Variants in CORO2B observed in about 807,000 individuals in gnomAD.
CORO2B encodes coronin-2B.
A neutral mutation model predicts 58.8 loss-of-function variants in CORO2B; 26 were observed. The observed-to-expected ratio is 0.44, with a 90% CI of 0.32 to 0.61. The LOEUF (loss-of-function observed/expected upper bound fraction) is 0.61. Among genes scored for constraint, CORO2B ranks in the 20% least tolerant of loss-of-function variants. CORO2B has a pLI of 0.04. For missense variants in CORO2B, 460 were observed against 645.1 expected (o/e 0.71, Z 3.11); for synonymous variants, 242 against 253.8 (o/e 0.95, Z 0.44).
the CORO2B span, among the ~76,000 whole-genome samples, chr15:68,560,704 C>T: frequency 2.0e-5 from 3 of 152,216 alleles, no homozygotes; most frequent in Non-Finnish European, 4.4e-5. Flanking sequence ...CTCTCTGCTC[C>T]TTGCTGGTCA....
chr15:68,647,127 A>G (rs1356063165), intron 2 of CORO2B, among the ~76,000 whole-genome samples: 1 of 152,228 alleles, frequency 6.6e-6, no homozygotes, highest in Non-Finnish European at 1.5e-5. Flanking sequence ...ATTTAAAATA[A>G]GAAAAGCTAC....
chr15:68,668,923 A>G (rs1242490260), intron 2 of CORO2B, among the ~76,000 whole-genome samples: 1 of 152,126 alleles, frequency 6.6e-6, no homozygotes, highest in East Asian at 1.9e-4. Context: ...TACTAAAAAT[A>G]CAAAATTAGC....
At chr15:68,544,428 C>T in the CORO2B span, among the ~76,000 whole-genome samples, 1 of 152,168 alleles carries the variant, frequency 6.6e-6, no homozygotes, top group Non-Finnish European at 1.5e-5. Flanking sequence ...CATCCATGCC[C>T]TCAAACAGCC....
At chr15:68,623,618 C>T (rs921935446) in intron 1 of CORO2B, among the ~76,000 whole-genome samples, 1 of 152,162 alleles carries the variant, frequency 6.6e-6, no homozygotes, top group African/African-American at 2.4e-5. Context: ...TGGGAGAAGC[C>T]AAGGGCAGCT....
At chr15:68,525,461 A>G in the CORO2B span, among the ~76,000 whole-genome samples, 1 of 152,204 alleles carries the variant, frequency 6.6e-6, no homozygotes, top group African/African-American at 2.4e-5. Flanking sequence ...GGACTCAAGA[A>G]GGCTTTGTAA....
chr15:68,595,947 C>T (rs572454434), intron 1 of CORO2B, among the ~76,000 whole-genome samples: 13 of 152,074 alleles, frequency 8.5e-5, no homozygotes, highest in Non-Finnish European at 1.2e-4. Flanking sequence ...GCAGCGTGAG[C>T]AGAGGCCAGG....
At chr15:68,596,960 T>C (rs1390492741) in intron 1 of CORO2B, among the ~76,000 whole-genome samples, 1 of 152,224 alleles carries the variant, frequency 6.6e-6, no homozygotes, top group African/African-American at 2.4e-5. Context: ...TGCTCCAAAC[T>C]GGGTCTTGTC....
the CORO2B span, among the ~76,000 whole-genome samples, chr15:68,541,523 G>T: frequency 2.0e-5 from 3 of 152,128 alleles, no homozygotes; most frequent in Non-Finnish European, 4.4e-5. Context: ...AGCTGAACTC[G>T]AAGGAATCTA....
At chr15:68,541,053 A>C in the CORO2B span, among the ~76,000 whole-genome samples, 3 of 152,114 alleles carry the variant, frequency 2.0e-5, no homozygotes, top group African/African-American at 7.2e-5. Context: ...AATATTGTAA[A>C]ACCCCATCTC....
At chr15:68,544,901 C>T in the CORO2B span, among the ~76,000 whole-genome samples, 7 of 152,164 alleles carry the variant, frequency 4.6e-5, no homozygotes, top group South Asian at 2.1e-4. Flanking sequence ...CTCAGCCTCC[C>T]GAGTAGCTGG....
the CORO2B span, among the ~76,000 whole-genome samples, chr15:68,536,538 C>G: frequency 6.6e-6 from 1 of 152,196 alleles, no homozygotes; most frequent in African/African-American, 2.4e-5. Flanking sequence ...CTCTGTAACA[C>G]TGGCCTGTAA....
At chr15:68,599,360 TCC>T in intron 1 of CORO2B, among the ~76,000 whole-genome samples, 1 of 152,286 alleles carries the variant, frequency 6.6e-6, no homozygotes, top group South Asian at 2.1e-4. Flanking sequence ...GCGCCACAGA[TCC>T]CATTGGGTGC....
chr15:68,561,681 G>A, the CORO2B span, among the ~76,000 whole-genome samples: 2 of 152,226 alleles, frequency 1.3e-5, no homozygotes, highest in Admixed American at 6.5e-5. Flanking sequence ...AGAGTGTACA[G>A]GATTTGTTGT....
At chr15:68,719,297 AC>A in intron 10 of CORO2B, 63 bp downstream of exon 10, 1 of 1,598,044 alleles carries the variant, frequency 6.3e-7, no homozygotes. Flanking sequence ...AGCGCAGCTC[AC>A]CCCAGTTCTC....
intron 3 of CORO2B, among the ~76,000 whole-genome samples, chr15:68,703,150 CTTTTTTTT>C (rs57404468): frequency 2.0e-5 from 2 of 100,138 alleles, no homozygotes; most frequent in Admixed American, 1.1e-4. Flanking sequence ...TTCTTTTTTT[CTTTTTTTT>C]TTTTTTTTTT....
chr15:68,693,845 GTTTGTTTT>G (rs1892445217), intron 2 of CORO2B, among the ~76,000 whole-genome samples: 1 of 152,158 alleles, frequency 6.6e-6, no homozygotes, highest in Non-Finnish European at 1.5e-5. Context: ...TTGTTTGTTT[GTTTGTTTT>G]GAGACAGAGT....
intron 1 of CORO2B, chr15:68,641,652 G>A: frequency 1.1e-6 from 1 of 934,172 alleles, no homozygotes; most frequent in South Asian, 4.9e-5. Flanking sequence ...TCCTGTGCTG[G>A]GCATATGACA....
intron 2 of CORO2B, among the ~76,000 whole-genome samples, chr15:68,686,536 A>G (rs985765578): frequency 4.6e-5 from 7 of 152,194 alleles, no homozygotes; most frequent in Non-Finnish European, 8.8e-5. Context: ...AACTGTTACC[A>G]GAGGACTATA....
At chr15:68,560,988 G>C in the CORO2B span, among the ~76,000 whole-genome samples, 3,236 of 152,272 alleles carry the variant, frequency 0.021, 113 homozygotes, top group African/African-American at 0.073. Flanking sequence ...GATCCAAAAT[G>C]GGAATTTAGG....
Sources: allele counts gnomAD v4.1 joint callset (sites outside exome capture counted in the v4.1 genomes callset), GRCh38; gene constraint gnomAD v4.1.1; transcripts MANE v1.5; gene names NCBI Gene and HGNC (gene_info 2026-07-23, HGNC 2026-07-21).